The following LDLRAD4 variants were observed in gnomAD, a reference collection of about 807,000 sequenced individuals.
LDLRAD4 encodes the protein low-density lipoprotein receptor class A domain-containing protein 4.
In LDLRAD4, 5 loss-of-function variants were observed where a neutral mutation model predicts 17.0. That is an observed-to-expected ratio of 0.29 (90% CI 0.15 to 0.62). LDLRAD4 has a LOEUF of 0.62. Ranked by LOEUF, LDLRAD4 falls within the 20% of genes least tolerant of loss-of-function variation. LDLRAD4 has a pLI of 0.84. For missense variants in LDLRAD4, 340 were observed against 424.7 expected (o/e 0.80, Z 1.75); for synonymous variants, 168 against 171.8 (o/e 0.98, Z 0.17).
chr18:13,303,447 T>C (rs1214832282), intron 1 of LDLRAD4, among the ~76,000 whole-genome samples: 2 of 151,886 alleles, frequency 1.3e-5, no homozygotes, highest in Non-Finnish European at 2.9e-5. Context: ...TCGCTCTTTC[T>C]CTCTCTCTCC....
At chr18:13,286,303 C>G (rs1159321587) in intron 1 of LDLRAD4, among the ~76,000 whole-genome samples, 2 of 152,182 alleles carry the variant, frequency 1.3e-5, no homozygotes, top group African/African-American at 4.8e-5. Context: ...ATTATGTTGT[C>G]CTTGGAACAG....
intron 3 of LDLRAD4, among the ~76,000 whole-genome samples, chr18:13,451,227 T>G (rs2091814839): frequency 6.6e-6 from 1 of 152,226 alleles, no homozygotes. Flanking sequence ...TTTGGCTATT[T>G]GTCCCCTCCA....
At chr18:13,526,521 A>G (rs115402889) in intron 3 of LDLRAD4, 92 of 152,312 alleles carry the variant, frequency 6.0e-4, no homozygotes, top group African/African-American at 1.9e-3. Context: ...CTTGTGATTG[A>G]GCCATACTTT....
intron 3 of LDLRAD4, among the ~76,000 whole-genome samples, chr18:13,454,972 C>T (rs1482536059): frequency 3.3e-5 from 5 of 152,368 alleles, no homozygotes; most frequent in African/African-American, 9.6e-5. Context: ...GCTCAGTCCG[C>T]GTTTGTTGAG....
At chr18:13,400,978 G>A (rs2087133495) in intron 2 of LDLRAD4, among the ~76,000 whole-genome samples, 1 of 152,170 alleles carries the variant, frequency 6.6e-6, no homozygotes, top group African/African-American at 2.4e-5. Context: ...AATGTATCCT[G>A]CCATTTCAGA....
intron 3 of LDLRAD4, chr18:13,490,410 C>T (rs1045775481): frequency 6.6e-6 from 1 of 152,002 alleles, no homozygotes; most frequent in Admixed American, 6.6e-5. Flanking sequence ...TTTCAAGATC[C>T]AAAAAAGTTC....
chr18:13,365,528 C>CGTCT (rs774616340), intron 1 of LDLRAD4, among the ~76,000 whole-genome samples: 8 of 152,230 alleles, frequency 5.3e-5, no homozygotes, highest in Non-Finnish European at 8.8e-5. Context: ...ACTTAGAAGA[C>CGTCT]AGCCTGTGCA....
At chr18:13,642,485 T>G (rs2042662622) in intron 4 of LDLRAD4, 2 of 1,214,686 alleles carry the variant, frequency 1.6e-6, no homozygotes, top group East Asian at 6.6e-5. Context: ...TGGCCAAACG[T>G]TTTTGAAAAA....
intron 3 of LDLRAD4, chr18:13,487,379 C>G (rs956752960): frequency 6.6e-6 from 1 of 152,262 alleles, no homozygotes; most frequent in Non-Finnish European, 1.5e-5. Flanking sequence ...GCATCTGTCC[C>G]GGCAGGGCCA....
intron 1 of LDLRAD4, among the ~76,000 whole-genome samples, chr18:13,222,021 C>T (rs935602162): frequency 1.7e-4 from 26 of 152,216 alleles, no homozygotes; most frequent in African/African-American, 6.0e-4. Flanking sequence ...CTCCGGCAGC[C>T]TGCCAGACTC....
intron 1 of LDLRAD4, among the ~76,000 whole-genome samples, chr18:13,255,665 C>T (rs974133854): frequency 2.6e-5 from 4 of 152,110 alleles, no homozygotes; most frequent in South Asian, 2.1e-4. Context: ...GAATAGATCA[C>T]GGTGGAGGCC....
intron 3 of LDLRAD4, among the ~76,000 whole-genome samples, chr18:13,512,482 A>T (rs2093797807): frequency 6.6e-6 from 1 of 151,838 alleles, no homozygotes; most frequent in African/African-American, 2.4e-5. Context: ...TTCTTTTCAA[A>T]CCTTAATGCT....
At chr18:13,476,223 A>T (rs926143672) in intron 3 of LDLRAD4, among the ~76,000 whole-genome samples, 9 of 152,176 alleles carry the variant, frequency 5.9e-5, no homozygotes, top group African/African-American at 2.2e-4. Flanking sequence ...TCTGGTCCAG[A>T]CGCATGTTTA....
At chr18:13,612,556 C>A in intron 3 of LDLRAD4, 1 of 1,423,874 alleles carries the variant, frequency 7.0e-7, no homozygotes, top group Non-Finnish European at 9.2e-7. Context: ...CCCCCCCCCC[C>A]TCCACGCTCA....
intron 1 of LDLRAD4, among the ~76,000 whole-genome samples, chr18:13,343,764 T>C (rs2082515439): frequency 6.6e-6 from 1 of 152,212 alleles, no homozygotes; most frequent in South Asian, 2.1e-4. Flanking sequence ...GACTTTTTAA[T>C]GATCATCATT....
chr18:13,401,603 T>C (rs1481079906), intron 2 of LDLRAD4, among the ~76,000 whole-genome samples: 2 of 152,162 alleles, frequency 1.3e-5, no homozygotes, highest in Admixed American at 6.5e-5. Context: ...GGATGCCCCG[T>C]GCTCAGGTCT....
intron 3 of LDLRAD4, chr18:13,561,774 T>C (rs2094543860): frequency 6.6e-6 from 1 of 152,188 alleles, no homozygotes; most frequent in South Asian, 2.1e-4. Context: ...TTTATGCTAG[T>C]GGTGCAGTGT....
At chr18:13,499,931 A>G (rs2093584538) in intron 3 of LDLRAD4, among the ~76,000 whole-genome samples, 1 of 152,146 alleles carries the variant, frequency 6.6e-6, no homozygotes, top group Admixed American at 6.5e-5. Flanking sequence ...CCACTGTCCT[A>G]ATGACAAAAG....
exon 1 of LDLRAD4, chr18:13,218,881 G>A (rs1269325148): frequency 6.6e-6 from 1 of 152,490 alleles, no homozygotes; most frequent in Admixed American, 6.5e-5. Flanking sequence ...CACCCAGCCC[G>A]GCCCGGCACT....
Sources: allele counts gnomAD v4.1 joint callset (sites outside exome capture counted in the v4.1 genomes callset), GRCh38; gene constraint gnomAD v4.1.1; transcripts MANE v1.5; gene names NCBI Gene and HGNC (gene_info 2026-07-23, HGNC 2026-07-21).